Variants in ANXA10 observed in about 807,000 individuals in gnomAD.
ANXA10 encodes the protein annexin A10, also known as annexin 14.
In ANXA10, 49 loss-of-function variants were observed where a neutral mutation model predicts 53.5. The ratio of observed to expected loss-of-function variants is 0.92; its 90% CI spans 0.73 to 1.16. The LOEUF (loss-of-function observed/expected upper bound fraction) is 1.16. Ranked by LOEUF, ANXA10 falls within the 50% of genes most tolerant of loss-of-function variation. The probability of loss-of-function intolerance (pLI) is 0.00; values close to 1 mark genes in which losing one functional copy is unlikely to be tolerated. For synonymous variants in ANXA10, 131 were observed against 128.9 expected (o/e 1.02, Z -0.11); for missense variants, 393 against 394.4 (o/e 1.00, Z 0.03).
chr4:168,115,288 T>TC (rs1730875021), intron 1 of ANXA10, among the ~76,000 whole-genome samples: 3 of 152,018 alleles, frequency 2.0e-5, no homozygotes, highest in Admixed American at 6.6e-5. Context: ...ATACCTTCAC[T>TC]CCCCCAAAAT....
chr4:168,135,628 C>G (rs1170399427), intron 2 of ANXA10, among the ~76,000 whole-genome samples: 1 of 152,044 alleles, frequency 6.6e-6, no homozygotes, highest in Non-Finnish European at 1.5e-5. Context: ...TGTGTTGGCA[C>G]ATGAGGAAGT....
At chr4:168,176,850 A>T (rs1279181121) in intron 6 of ANXA10, among the ~76,000 whole-genome samples, 1 of 151,992 alleles carries the variant, frequency 6.6e-6, no homozygotes, top group Admixed American at 6.6e-5. Flanking sequence ...AAAAAAAAAA[A>T]TTAGCCACGC....
In ANXA10 at chr4:168,140,608, T is replaced by C. The variant is rs541407819; in HGVS notation, c.195+1028T>C. The stretch of plus-strand genomic sequence containing the variant: ...CATTGTTTTAATATGCATAGTGCTA[T>C]AAGAAATGTCTTTTTTTTTTTTTCT... On this transcript the variant is annotated intron_variant, in intron 3 of 11. Transcript: ENST00000359299. 3.4e-3 allele frequency among the ~76,000 whole-genome samples: 507 copies of C among 149,648 alleles called. 4 individuals carry two copies. The highest frequency in any genetic ancestry group is 0.012 in the African/African-American group (475 of 39,698).
At chr4:168,124,202 G>C (rs1319498763) in intron 1 of ANXA10, among the ~76,000 whole-genome samples, 2 of 152,164 alleles carry the variant, frequency 1.3e-5, no homozygotes, top group African/African-American at 4.8e-5. Context: ...ATCATGAATG[G>C]CTCCATGTAA....
chr4:168,165,377 A>G (rs774298180), intron 6 of ANXA10, 51 bp downstream of exon 6: 1 of 841,882 alleles, frequency 1.2e-6, no homozygotes, highest in Non-Finnish European at 1.7e-6. Context: ...GCAAATAAGT[A>G]TATGTCATTG....
intron 1 of ANXA10, among the ~76,000 whole-genome samples, chr4:168,125,918 G>T (rs1023605832): frequency 6.6e-6 from 1 of 151,960 alleles, no homozygotes; most frequent in Non-Finnish European, 1.5e-5. Context: ...ATTATATTTT[G>T]ATTACCTTGT....
intron 1 of ANXA10, among the ~76,000 whole-genome samples, chr4:168,123,591 GA>G (rs950419290): frequency 1.1e-4 from 16 of 152,278 alleles, no homozygotes; most frequent in African/African-American, 3.8e-4. Context: ...TCTTTAAACT[GA>G]CTTAGCAAGA....
chr4:168,102,770 C>T (rs930745864), intron 1 of ANXA10, among the ~76,000 whole-genome samples: 3 of 152,084 alleles, frequency 2.0e-5, no homozygotes, highest in South Asian at 4.2e-4. Flanking sequence ...ATTTCTTTTG[C>T]GTAAACACTT....
chr4:168,116,996 G>GACACACACACATACAC (rs113200354), intron 1 of ANXA10, among the ~76,000 whole-genome samples: 3 of 151,130 alleles, frequency 2.0e-5, no homozygotes, highest in Admixed American at 6.6e-5. Flanking sequence ...TTTTCACACA[G>GACACACACACATACAC]ACACACACAC....
At chr4:168,179,795 G>A (rs555521917) in intron 9 of ANXA10, among the ~76,000 whole-genome samples, 1 of 152,234 alleles carries the variant, frequency 6.6e-6, no homozygotes, top group Non-Finnish European at 1.5e-5. Context: ...TTTTCCTCAG[G>A]CTATTGTGAT....
chr4:168,119,628 T>C (rs1288244038), intron 1 of ANXA10, among the ~76,000 whole-genome samples: 1 of 152,166 alleles, frequency 6.6e-6, no homozygotes, highest in Non-Finnish European at 1.5e-5. Context: ...TGTATGTCTT[T>C]GGTTAATATA....
intron 2 of ANXA10, among the ~76,000 whole-genome samples, chr4:168,132,973 T>C (rs72987448): frequency 0.035 from 5,271 of 152,162 alleles, 277 homozygotes; most frequent in African/African-American, 0.12. Context: ...TTTGCAGACA[T>C]GTGCAGAGAG....
At chr4:168,155,150 GC>G (rs1433845185) in intron 3 of ANXA10, among the ~76,000 whole-genome samples, 1 of 150,948 alleles carries the variant, frequency 6.6e-6, no homozygotes, top group Non-Finnish European at 1.5e-5. Context: ...CTAAGCCTTT[GC>G]CTGATCAAAT....
intron 3 of ANXA10, 77 bp from the exon 4 acceptor site, chr4:168,162,451 A>C (rs1479915692): frequency 9.9e-7 from 1 of 1,005,496 alleles, no homozygotes; most frequent in Non-Finnish European, 1.5e-6. Context: ...AAAATATTAA[A>C]AGACTTTCTG....
At chr4:168,107,922 C>T (rs1187289740) in intron 1 of ANXA10, among the ~76,000 whole-genome samples, 2 of 152,114 alleles carry the variant, frequency 1.3e-5, no homozygotes, top group African/African-American at 4.8e-5. Context: ...ATTTAAGTAC[C>T]ATTACTTTTC....
intron 9 of ANXA10, among the ~76,000 whole-genome samples, chr4:168,179,742 T>A (rs1246034019): frequency 6.6e-6 from 1 of 152,166 alleles, no homozygotes; most frequent in East Asian, 1.9e-4. Flanking sequence ...AAATTTTGGT[T>A]TAGGAGTAAA....
intron 1 of ANXA10, among the ~76,000 whole-genome samples, chr4:168,106,717 C>T (rs1730725324): frequency 6.6e-6 from 1 of 152,074 alleles, no homozygotes; most frequent in Non-Finnish European, 1.5e-5. Context: ...TCTGTTATCA[C>T]AAGGGAAATG....
chr4:168,143,311 A>T (rs1047200617), intron 3 of ANXA10, among the ~76,000 whole-genome samples: 1 of 152,206 alleles, frequency 6.6e-6, no homozygotes, highest in Non-Finnish European at 1.5e-5. Flanking sequence ...ATGGTATTTT[A>T]AATTTTCATT....
At chr4:168,100,881 T>C (rs188100460) in intron 1 of ANXA10, among the ~76,000 whole-genome samples, 4 of 152,242 alleles carry the variant, frequency 2.6e-5, no homozygotes, top group African/African-American at 9.6e-5. Flanking sequence ...TATAACCATA[T>C]TGAAATTATC....
Sources: allele counts gnomAD v4.1 joint callset (sites outside exome capture counted in the v4.1 genomes callset), GRCh38; gene constraint gnomAD v4.1.1; transcripts MANE v1.5; gene names NCBI Gene and HGNC (gene_info 2026-07-23, HGNC 2026-07-21).